The following SYNC variants were observed in gnomAD, a reference collection of about 807,000 sequenced individuals.
The protein encoded by SYNC is syncoilin, intermediate filament protein, also known as syncoilin.
In SYNC, 38 loss-of-function variants were observed where a neutral mutation model predicts 49.5. The observed-to-expected ratio is 0.77, with a 90% CI of 0.59 to 1.01. The LOEUF is 1.01. Among genes scored for constraint, SYNC ranks in the 50% least tolerant of loss-of-function variants. SYNC has a pLI of 0.00. For synonymous variants in SYNC, 201 were observed against 230.8 expected, an observed-to-expected ratio of 0.87 and a Z score of 1.17; for missense variants, 579 against 580.6, an observed-to-expected ratio of 1.00 and a Z score of 0.03.
At chr1:32,682,839 T>C (rs1649538901) in intron 4 of SYNC, 1 of 152,162 alleles carries the variant, frequency 6.6e-6, no homozygotes, top group African/African-American at 2.4e-5. Context: ...ATCTGTATAA[T>C]GTACAACTTG....
intron 2 of SYNC, among the ~76,000 whole-genome samples, chr1:32,689,486 C>T (rs901155768): frequency 2.6e-5 from 4 of 151,552 alleles, no homozygotes; most frequent in Admixed American, 6.6e-5. Context: ...TGATCCACTG[C>T]GCCCGGCCAC....
intron 4 of SYNC, 100 bp downstream of exon 4, chr1:32,683,910 G>T: frequency 8.3e-7 from 1 of 1,201,296 alleles, no homozygotes; most frequent in Non-Finnish European, 1.2e-6. Context: ...TAGGATTACA[G>T]GCGTGAGCCA....
At chr1:32,699,153 C>CTTTTTTTTT (rs61577689) in intron 1 of SYNC, among the ~76,000 whole-genome samples, 61 of 103,970 alleles carry the variant, frequency 5.9e-4, no homozygotes, top group Non-Finnish European at 9.6e-4. Flanking sequence ...CTTTTCTTTT[C>CTTTTTTTTT]TTTTTTTTTT....
In SYNC at chr1:32,695,810, A is replaced by G. The variant is rs1182827017; in HGVS notation, c.288T>C (p.His96=). ...CCTCTGGATTCCCAGGCTCCTCCACATGCAGAGCCTCATCTGGCTGCATGG... is the reference window on the plus strand; with the variant it reads ...CCTCTGGATTCCCAGGCTCCTCCACGTGCAGAGCCTCATCTGGCTGCATGG... ...EEAMQPDEAL[H]VEEPGNPEET... is the part of the protein sequence containing the mutation. Residue 96 remains histidine (H), a synonymous_variant, in exon 2 of 5, where the codon CAT becomes CAC. Coordinates refer to ENST00000409190, the MANE Select transcript of SYNC (RefSeq NM_030786.3). 4.5e-6 allele frequency: 7 copies of G among 1,551,512 alleles called. No homozygotes were observed. In the Admixed American group the frequency reaches 1.4e-4, roughly 30 times the overall value.
At chr1:32,702,951 T>A (rs1650729155), upstream of SYNC, 1 of 161,396 alleles carries the variant, frequency 6.2e-6, no homozygotes, top group South Asian at 2.0e-4. This position sits in a 1 kb window ranked among gnomAD's most constrained non-coding sequence, Gnocchi z 6.2. Flanking sequence ...TTCCCGAACC[T>A]TCTCTCCACC....
chr1:32,701,073 G>A (rs976320526), intron 1 of SYNC, among the ~76,000 whole-genome samples: 1 of 152,024 alleles, frequency 6.6e-6, no homozygotes. Flanking sequence ...ACGCCACCAC[G>A]CCTGGCTAAT....
intron 2 of SYNC, among the ~76,000 whole-genome samples, chr1:32,691,398 A>AG (rs1368843300): frequency 2.0e-5 from 3 of 149,968 alleles, no homozygotes; most frequent in Non-Finnish European, 3.0e-5. Context: ...CGACTAAAAA[A>AG]AAATTAGCCA....
Position 32,681,984 on chromosome 1 carries a change from A to T in SYNC, c.1439-124T>A. 3 of 822,808 alleles carry T rather than the reference A, an allele frequency of 3.6e-6. No homozygotes were observed. In the South Asian group the frequency reaches 4.8e-5, roughly 13 times the overall value. The allele number at this position is 822,808 out of a possible 1,614,324, so 51.0% of individuals were successfully genotyped here. A position where few individuals can be genotyped will look rare whatever the true frequency, so the allele number is the denominator to read the frequency against. On this transcript the variant is annotated intron_variant, in intron 4 of 4. Transcript: ENST00000409190. ...GATCAGGGATGACTTTCCCCTAGCA[A>T]ATATTTGGATGCCTCCTGTTTGTCA...
In SYNC at chr1:32,692,247, C is replaced by A. The variant is rs534206998; in HGVS notation, c.1233+2618G>T. On this transcript the variant is annotated intron_variant, in intron 2 of 4. Coordinates refer to ENST00000409190, the MANE Select transcript of SYNC (RefSeq NM_030786.3). ...CGTCTCAAAAAATAATAATCATCATCATCATCATCATCTATCCCACAGCCC... is the reference window on the plus strand; with the variant it reads ...CGTCTCAAAAAATAATAATCATCATAATCATCATCATCTATCCCACAGCCC... Among the ~76,000 whole-genome samples the A allele has an allele frequency of 1.2e-3, 180 of 152,032 alleles. 1 individual carries two copies. In the Middle Eastern group the frequency reaches 0.021, roughly 17 times the overall value.
At chr1:32,694,203 G>GA (rs1426518174) in intron 2 of SYNC, among the ~76,000 whole-genome samples, 1 of 151,996 alleles carries the variant, frequency 6.6e-6, no homozygotes, top group African/African-American at 2.4e-5. Flanking sequence ...TCTCAAAAAA[G>GA]AAAAAATTAG....
At position 32,694,921 on chromosome 1, in the gene SYNC, C is replaced by T; in HGVS notation, c.1177G>A (p.Glu393Lys). 6.2e-7 allele frequency: 1 copy of T among 1,613,604 alleles called. No individual in the cohort carries two copies. The highest frequency in any genetic ancestry group is 8.5e-7 in the Non-Finnish European group (1 of 1,179,926). Residue 393 changes from glutamate to lysine, a missense_variant, in exon 2 of 5, where the codon GAG (glutamate) becomes AAG (lysine). Glu to Lys is a moderately conservative substitution (Grantham distance 56). Transcript: ENST00000409190. ...RQLRLQNRNL[E>K]DQIALVRQKR... ...TGCCTCACAAGTGCGATCTGGTCCT[C>T]CAGGTTCCTGTTTTGCAGGCGGAGC...
chr1:32,700,147 G>A (rs959801428), intron 1 of SYNC, among the ~76,000 whole-genome samples: 2 of 152,060 alleles, frequency 1.3e-5, no homozygotes, highest in Admixed American at 1.3e-4. Flanking sequence ...ACGGTGTCCA[G>A]CTGAGAATTG....
At position 32,687,854 on chromosome 1, in the gene SYNC, T is replaced by TATTATTATTATTATTATTATTATG. The variant is rs1423000746; in HGVS notation, c.1234-3473_1234-3472insCATAATAATAATAATAATAATAAT. 4.0e-3 allele frequency among the ~76,000 whole-genome samples: 88 copies of TATTATTATTATTATTATTATTATG among 22,138 alleles called. 1 individual carries two copies. Among genetic ancestry groups the TATTATTATTATTATTATTATTATG allele is most frequent in the African/African-American group, 5.2e-3 (86 of 16,424 alleles). 14.5% of individuals were successfully genotyped at this position (22,138 alleles called of 152,430 possible). ...AGTGAATTATTATTATTATTATTAT[T>TATTATTATTATTATTATTATTATG]ATTATTATTTTTTGAGATGGAGTCT... On this transcript the variant is annotated intron_variant, in intron 2 of 4. Coordinates refer to ENST00000409190, the MANE Select transcript of SYNC (RefSeq NM_030786.3).
chr1:32,695,949 T>G lies in SYNC; in HGVS notation c.149A>C (p.Glu50Ala). The G allele has an allele frequency of 6.5e-7, 1 of 1,549,128 alleles. No homozygotes were observed. The highest frequency in any genetic ancestry group is 8.7e-7 in the Non-Finnish European group (1 of 1,147,010). The stretch of plus-strand genomic sequence containing the variant: ...AATGTCTTCGAGGTTTAAGGACCCC[T>G]CTGAAGATAGAGTAACTTCTGGGTT... Reference protein sequence around the residue: ...ALNPEVTLSSEGSLNLEDILY... With the variant: ...ALNPEVTLSSAGSLNLEDILY... Residue 50 changes from glutamate to alanine, a missense_variant, in exon 2 of 5, where the codon GAG (glutamate) becomes GCG (alanine). By Grantham distance (107) the Glu-to-Ala change is moderately radical. Transcript: ENST00000409190.
At chr1:32,692,769 C>G (rs114437242) in intron 2 of SYNC, among the ~76,000 whole-genome samples, 5,847 of 151,796 alleles carry the variant, frequency 0.039, 231 homozygotes, top group East Asian at 0.12. Flanking sequence ...AACTGGGAGG[C>G]TGAGGCGGGT....
At chr1:32,686,547 A>G (rs1649843460) in intron 2 of SYNC, among the ~76,000 whole-genome samples, 1 of 152,242 alleles carries the variant, frequency 6.6e-6, no homozygotes, top group African/African-American at 2.4e-5. Flanking sequence ...ATAGTAGTAT[A>G]AAGTAACAGG....
Position 32,681,835 on chromosome 1 carries a change from T to C in SYNC, c.*15A>G, listed in dbSNP as rs1003890987. Reference sequence around the variant, plus strand: ...TTTTTTGCTGTTTCCGGGTTACAGATTTGGCCATATATTTCTAAACAGCCC... The same window carrying C: ...TTTTTTGCTGTTTCCGGGTTACAGACTTGGCCATATATTTCTAAACAGCCC... On this transcript the variant is annotated 3_prime_UTR_variant, in exon 5 of 5. Transcript: ENST00000409190. 6.2e-7 allele frequency: 1 copy of C among 1,614,166 alleles called. No individual in the cohort carries two copies. The highest frequency in any genetic ancestry group is 2.2e-5 in the East Asian group (1 of 44,884).
intron 2 of SYNC, chr1:32,685,307 T>G (rs1649750144): frequency 1.3e-5 from 2 of 152,186 alleles, no homozygotes; most frequent in Admixed American, 6.5e-5. Context: ...CTGCCTAGGA[T>G]GTATACCTGA....
At chr1:32,693,577 T>A (rs770863359) in intron 2 of SYNC, among the ~76,000 whole-genome samples, 8 of 152,212 alleles carry the variant, frequency 5.3e-5, no homozygotes, top group Non-Finnish European at 7.3e-5. Context: ...CACACTACAG[T>A]CTTCTCATTA....
Sources: gnomAD v4.1 joint callset for allele counts (sites outside exome capture counted in the v4.1 genomes callset) on GRCh38, gnomAD v4.1.1 for gene constraint, Gnocchi (gnomAD v3.1) non-coding constraint, MANE v1.5 for transcripts, NCBI Gene and HGNC (gene_info 2026-07-23, HGNC 2026-07-21) for gene names.